The following THSD7B variants were observed in gnomAD, a reference collection of about 807,000 sequenced individuals.
THSD7B encodes thrombospondin type 1 domain containing 7B.
THSD7B carries 138 observed loss-of-function variants against 213.6 expected under a neutral mutation model. The observed-to-expected ratio is 0.65, with a 90% CI of 0.56 to 0.74. The LOEUF (loss-of-function observed/expected upper bound fraction) is 0.74, where lower values mean the gene tolerates loss of function less well. Among genes scored for constraint, THSD7B ranks in the 30% least tolerant of loss-of-function variants. The pLI is 0.00. For missense variants in THSD7B, 1,931 were observed against 1,991.5 expected (o/e 0.97, Z 0.58); for synonymous variants, 742 against 687.0 (o/e 1.08, Z -1.25).
At chr2:136,836,458 T>G (rs986013182) in intron 1 of THSD7B, among the ~76,000 whole-genome samples, 4 of 152,230 alleles carry the variant, frequency 2.6e-5, no homozygotes, top group Non-Finnish European at 5.9e-5. Flanking sequence ...GATTTATTAG[T>G]GTGTGTACAT....
chr2:137,377,938 T>C (rs1685696659), intron 12 of THSD7B, among the ~76,000 whole-genome samples: 1 of 152,196 alleles, frequency 6.6e-6, no homozygotes, highest in South Asian at 2.1e-4. Flanking sequence ...ATTCACCCTT[T>C]AAAGTGTACT....
At chr2:136,908,739 G>A (rs1239615651) in intron 2 of THSD7B, among the ~76,000 whole-genome samples, 2 of 152,170 alleles carry the variant, frequency 1.3e-5, no homozygotes, top group South Asian at 2.1e-4. Context: ...CTAGTGCCGA[G>A]GCTGAGTGAA....
intron 17 of THSD7B, among the ~76,000 whole-genome samples, chr2:137,581,739 G>A (rs905223680): frequency 1.4e-5 from 2 of 144,548 alleles, no homozygotes; most frequent in African/African-American, 2.5e-5. Flanking sequence ...CAGCCTGGGC[G>A]ACAGAGCGAG....
At chr2:136,961,365 C>CG (rs1685215919) in intron 2 of THSD7B, among the ~76,000 whole-genome samples, 1 of 151,396 alleles carries the variant, frequency 6.6e-6, no homozygotes, top group Admixed American at 6.6e-5. Flanking sequence ...GGACTACAGG[C>CG]ACAACCACCA....
intron 5 of THSD7B, among the ~76,000 whole-genome samples, chr2:137,122,051 G>A (rs1200242657): frequency 6.6e-6 from 1 of 152,168 alleles, no homozygotes; most frequent in African/African-American, 2.4e-5. Flanking sequence ...AAAGAAACAA[G>A]GAGCATTACT....
At chr2:137,160,122 T>C in intron 5 of THSD7B, 91 bp from the exon 6 acceptor site, 1 of 1,388,944 alleles carries the variant, frequency 7.2e-7, no homozygotes, top group South Asian at 1.6e-5. Flanking sequence ...TATAATGTTT[T>C]ATTTGCAAGA....
In THSD7B at chr2:137,132,633, TACTA is replaced by T. The variant is rs920001757; in HGVS notation, c.1369+17346_1369+17349del. On this transcript the variant is annotated intron_variant, in intron 5 of 27. Coordinates refer to ENST00000409968, the MANE Select transcript of THSD7B (RefSeq NM_001316349.2). ...TTGCTGTTTTCATTCTTGTTATCTTTACTAACTAAGATAGTGGAATCATAAGGTC... is the reference window on the plus strand; with the variant it reads ...TTGCTGTTTTCATTCTTGTTATCTTTACTAAGATAGTGGAATCATAAGGTC... Among the ~76,000 whole-genome samples the T allele has an allele frequency of 1.5e-4, 23 of 152,326 alleles. 1 individual carries two copies. In the South Asian group the frequency reaches 4.3e-3, roughly 29 times the overall value.
intron 10 of THSD7B, among the ~76,000 whole-genome samples, chr2:137,249,296 C>T (rs376466347): frequency 6.6e-6 from 1 of 151,688 alleles, no homozygotes; most frequent in Admixed American, 6.6e-5. Context: ...TATTAAAACC[C>T]CGCATAAGAA....
chr2:136,839,741 T>G (rs1682895746), intron 1 of THSD7B, among the ~76,000 whole-genome samples: 1 of 152,240 alleles, frequency 6.6e-6, no homozygotes, highest in Admixed American at 6.5e-5. Flanking sequence ...TTCCTTTTTT[T>G]TCTGCTGGTT....
chr2:136,802,639 T>TTATA (rs56719114), intron 1 of THSD7B, among the ~76,000 whole-genome samples: 5,388 of 56,698 alleles, frequency 0.095, 799 homozygotes, highest in Non-Finnish European at 0.14. Context: ...TGAATTAAGT[T>TTATA]TATATATATA....
At chr2:137,447,960 A>T (rs1162996474) in intron 14 of THSD7B, among the ~76,000 whole-genome samples, 2 of 152,210 alleles carry the variant, frequency 1.3e-5, no homozygotes, top group African/African-American at 4.8e-5. Flanking sequence ...ATGAGAATGC[A>T]TACAGACACA....
intron 2 of THSD7B, among the ~76,000 whole-genome samples, chr2:137,021,264 G>C (rs1474519649): frequency 2.0e-5 from 3 of 152,266 alleles, no homozygotes; most frequent in Admixed American, 2.0e-4. Context: ...CTGAGCATTT[G>C]AAATGTTACG....
chr2:137,549,498 C>T (rs1299237123), intron 15 of THSD7B, among the ~76,000 whole-genome samples: 1 of 151,772 alleles, frequency 6.6e-6, no homozygotes, highest in African/African-American at 2.4e-5. Flanking sequence ...GCAATCCAAC[C>T]CTTTCTGAGA....
At chr2:137,020,183 T>C (rs1301775850) in intron 2 of THSD7B, among the ~76,000 whole-genome samples, 1 of 152,162 alleles carries the variant, frequency 6.6e-6, no homozygotes, top group Admixed American at 6.5e-5. Flanking sequence ...ATCAAGACCC[T>C]ACTAAAAGTA....
At chr2:137,546,180 T>C (rs1002851005) in intron 15 of THSD7B, among the ~76,000 whole-genome samples, 2 of 148,240 alleles carry the variant, frequency 1.3e-5, no homozygotes, top group East Asian at 2.0e-4. Flanking sequence ...ATTATAGTTA[T>C]AAGCAATTAG....
chr2:137,361,809 T>G (rs890034710), intron 12 of THSD7B, among the ~76,000 whole-genome samples: 23 of 152,226 alleles, frequency 1.5e-4, no homozygotes, highest in African/African-American at 3.1e-4. Flanking sequence ...AAAACACTCT[T>G]CAGGATATTA....
intron 1 of THSD7B, among the ~76,000 whole-genome samples, chr2:136,776,277 T>C (rs746917410): frequency 3.3e-5 from 5 of 152,214 alleles, no homozygotes; most frequent in Non-Finnish European, 7.3e-5. Flanking sequence ...TGGTCTTAAA[T>C]GCAAAGTATT....
intron 17 of THSD7B, among the ~76,000 whole-genome samples, chr2:137,609,287 C>A (rs55865097): frequency 0.12 from 18,328 of 151,930 alleles, 1,239 homozygotes; most frequent in South Asian, 0.21. Flanking sequence ...TATGAGGTAG[C>A]GATAAATGAT....
At chr2:137,131,271 G>T (rs1186265719) in intron 5 of THSD7B, among the ~76,000 whole-genome samples, 1 of 151,182 alleles carries the variant, frequency 6.6e-6, no homozygotes, top group Non-Finnish European at 1.5e-5. Context: ...TGTAGATTCT[G>T]GATATTAGCC....
Sources: allele counts gnomAD v4.1 joint callset (sites outside exome capture counted in the v4.1 genomes callset), GRCh38; gene constraint gnomAD v4.1.1; transcripts MANE v1.5; gene names NCBI Gene and HGNC (gene_info 2026-07-23, HGNC 2026-07-21).